The following PARVB variants were observed in gnomAD, a reference collection of about 807,000 sequenced individuals.
PARVB encodes the protein beta-parvin.
Under a neutral mutation model 47.0 loss-of-function variants are expected in PARVB, and 46 were observed. The ratio of observed to expected loss-of-function variants is 0.98; its 90% CI spans 0.77 to 1.25. PARVB has a LOEUF of 1.25. Ranked by LOEUF, PARVB falls within the 50% of genes most tolerant of loss-of-function variation. PARVB has a pLI of 0.00. For missense variants in PARVB, 473 were observed against 471.6 expected (o/e 1.00, Z -0.03); for synonymous variants, 196 against 196.3 (o/e 1.00, Z 0.01).
chr22:44,153,844 C>T (rs1383675407), intron 10 of PARVB, among the ~76,000 whole-genome samples: 1 of 152,204 alleles, frequency 6.6e-6, no homozygotes, highest in Non-Finnish European at 1.5e-5. Flanking sequence ...GGCTGCACTG[C>T]ACCTCATTAA....
At chr22:44,083,952 T>TGACAGAATG (rs2051967045) in intron 1 of PARVB, among the ~76,000 whole-genome samples, 1 of 152,200 alleles carries the variant, frequency 6.6e-6, no homozygotes, top group South Asian at 2.1e-4. Context: ...CTGGTACATT[T>TGACAGAATG]GACAGAATGG....
At chr22:44,131,805 G>C (rs749018016) in intron 5 of PARVB, among the ~76,000 whole-genome samples, 178 bp downstream of exon 5, 3 of 152,198 alleles carry the variant, frequency 2.0e-5, no homozygotes, top group Non-Finnish European at 4.4e-5. Flanking sequence ...AACAGGAGAA[G>C]GGTTAGGGAG....
In PARVB at chr22:44,011,311, T is replaced by C. The variant is rs147329744; in HGVS notation, c.211+11638T>C. Among the ~76,000 whole-genome samples, 46 of 151,986 alleles carry C rather than the reference T, an allele frequency of 3.0e-4. 1 individual carries two copies. Among genetic ancestry groups the C allele is most frequent in the African/African-American group, 1.1e-3 (44 of 41,484 alleles). On this transcript the variant is annotated intron_variant, in intron 2 of 13. Coordinates refer to the PARVB transcript ENST00000406477. ...ATCTGTGGCTGCTTTCAAGCTACAA[T>C]AGCAAAATTGGGTCCTTGTAGCCAG...
intron 2 of PARVB, among the ~76,000 whole-genome samples, chr22:44,016,270 G>A (rs2050579535): frequency 6.6e-6 from 1 of 151,798 alleles, no homozygotes; most frequent in Non-Finnish European, 1.5e-5. Context: ...CTAATTTTTT[G>A]TATTTTTAGT....
intron 3 of PARVB, among the ~76,000 whole-genome samples, chr22:44,116,641 T>C (rs2052911125): frequency 2.0e-5 from 3 of 152,296 alleles, no homozygotes; most frequent in Middle Eastern, 3.4e-3. Flanking sequence ...GCTTCTGGCC[T>C]CATAGACCTT....
In PARVB at chr22:44,092,259, C is replaced by T. The variant is rs551448928; in HGVS notation, c.113-1669C>T. ...CTGAGTAGCTGGGACTACAGGCGCA[C>T]GCCACCACGCCCAGCTAATTTTTGT... On this transcript the variant is annotated intron_variant, in intron 1 of 12. Coordinates refer to ENST00000338758, the MANE Select transcript of PARVB (RefSeq NM_013327.5). Among the ~76,000 whole-genome samples the T allele has an allele frequency of 7.9e-5, 12 of 152,176 alleles. No individual in the cohort carries two copies. The South Asian group carries it at 8.3e-4, about 11-fold the overall frequency.
chr22:44,130,601 A>G (rs2147156959), intron 4 of PARVB, among the ~76,000 whole-genome samples: 1 of 152,326 alleles, frequency 6.6e-6, no homozygotes, highest in East Asian at 1.9e-4. Context: ...TGGCATTAGA[A>G]TGTTTAAGAA....
intron 1 of PARVB, among the ~76,000 whole-genome samples, chr22:44,045,295 T>A (rs552386308): frequency 6.6e-6 from 1 of 152,320 alleles, no homozygotes; most frequent in Admixed American, 6.5e-5. Context: ...AATATGCTAG[T>A]CACAGTTTCC....
chr22:44,161,927 G>A (rs555032715), intron 11 of PARVB, among the ~76,000 whole-genome samples: 1 of 152,344 alleles, frequency 6.6e-6, no homozygotes, highest in South Asian at 2.1e-4. Context: ...GGGTTGGGGT[G>A]TCTGCCATGT....
At chr22:44,035,613 C>T (rs926494674) in intron 1 of PARVB, among the ~76,000 whole-genome samples, 1 of 151,922 alleles carries the variant, frequency 6.6e-6, no homozygotes, top group Non-Finnish European at 1.5e-5. Flanking sequence ...CCTTGTGATC[C>T]GCCTGCCTCA....
intron 1 of PARVB, among the ~76,000 whole-genome samples, chr22:44,079,094 G>A (rs771652750): frequency 2.6e-5 from 4 of 152,180 alleles, no homozygotes; most frequent in Admixed American, 6.5e-5. Flanking sequence ...TGATTCAGTC[G>A]TTCATGAATT....
intron 1 of PARVB, among the ~76,000 whole-genome samples, chr22:44,069,621 C>G (rs551681076): frequency 1.3e-5 from 2 of 152,120 alleles, no homozygotes; most frequent in Non-Finnish European, 2.9e-5. Context: ...CTCTGCCTCC[C>G]AGGTTCAAGT....
intron 2 of PARVB, among the ~76,000 whole-genome samples, chr22:44,097,893 C>T (rs143023965): frequency 2.0e-5 from 3 of 152,292 alleles, no homozygotes; most frequent in Non-Finnish European, 4.4e-5. Flanking sequence ...TCAGACGCCC[C>T]ATTCCTCTCA....
chr22:44,146,098 C>G (rs867058535), intron 8 of PARVB: 6 of 152,258 alleles, frequency 3.9e-5, no homozygotes, highest in Non-Finnish European at 8.8e-5. Context: ...CACACGCACA[C>G]ATGCGCTCAC....
In PARVB at chr22:44,039,993, C is replaced by T. The variant is rs1183120275; in HGVS notation, c.112+15542C>T. 5 of 363,330 alleles carry T rather than the reference C, an allele frequency of 1.4e-5. No homozygotes were observed. The Admixed American group carries it at 1.6e-4, about 11-fold the overall frequency. The allele number at this position is 363,330 out of a possible 1,614,324, so 22.5% of individuals were successfully genotyped here. ...CTACACCCCGCTAATTTCACTTTTA[C>T]AATGTTCTACAGCAGACAGAGCTAA... On this transcript the variant is annotated intron_variant, in intron 1 of 12. Coordinates refer to ENST00000338758, the MANE Select transcript of PARVB (RefSeq NM_013327.5).
At chr22:44,075,839 C>T (rs1053782084) in intron 1 of PARVB, among the ~76,000 whole-genome samples, 9 of 152,336 alleles carry the variant, frequency 5.9e-5, no homozygotes, top group African/African-American at 2.2e-4. Flanking sequence ...TCCCTGTTTG[C>T]CTCCCAGAGG....
intron 8 of PARVB, chr22:44,142,406 A>T (rs1356407439): frequency 1.7e-5 from 2 of 117,646 alleles, no homozygotes; most frequent in African/African-American, 3.0e-5. Context: ...AAAAAAAAAA[A>T]AAAAAAAAGA....
At chr22:44,093,341 G>A (rs1402741508) in intron 1 of PARVB, among the ~76,000 whole-genome samples, 2 of 152,210 alleles carry the variant, frequency 1.3e-5, no homozygotes, top group African/African-American at 4.8e-5. Flanking sequence ...GGAGGTCATG[G>A]TGTTTCTGAC....
intron 1 of PARVB, among the ~76,000 whole-genome samples, chr22:44,069,592 G>A (rs2051608836): frequency 6.6e-6 from 1 of 151,936 alleles, no homozygotes. Context: ...GCAATGGCGC[G>A]ATCTTGGCTC....
Sources: gnomAD v4.1 joint callset for allele counts (sites outside exome capture counted in the v4.1 genomes callset) on GRCh38, gnomAD v4.1.1 for gene constraint, MANE v1.5 for transcripts, NCBI Gene and HGNC (gene_info 2026-07-23, HGNC 2026-07-21) for gene names.